DCLK1: variants seen among roughly 807,000 people sequenced by gnomAD.
The protein encoded by DCLK1 is doublecortin like kinase 1.
Under a neutral mutation model 86.2 loss-of-function variants are expected in DCLK1, and 16 were observed. The observed-to-expected ratio is 0.19, with a 90% confidence interval of 0.13 to 0.28. DCLK1 has a LOEUF of 0.28. DCLK1 is among the 10% of genes least tolerant of loss of function. The pLI, the probability that DCLK1 is intolerant of heterozygous loss-of-function variation, is 1.00. For missense variants in DCLK1, 590 were observed against 940.2 expected, an observed-to-expected ratio of 0.63 and a Z score of 4.87; for synonymous variants, 369 against 370.5, an observed-to-expected ratio of 1.00 and a Z score of 0.05.
chr13:36,004,347 T>C (rs1410393498), intron 3 of DCLK1, among the ~76,000 whole-genome samples: 3 of 152,262 alleles, frequency 2.0e-5, no homozygotes, highest in Non-Finnish European at 4.4e-5. Context: ...ATTAGCTCAA[T>C]GAAAGCAGGG....
chr13:35,914,589 G>A (rs942157710), intron 4 of DCLK1, among the ~76,000 whole-genome samples: 5 of 150,206 alleles, frequency 3.3e-5, no homozygotes, highest in African/African-American at 4.9e-5. Flanking sequence ...TGGTGGCACA[G>A]CCTATAGTCC....
At chr13:35,797,659 A>T (rs1243773344) in intron 15 of DCLK1, among the ~76,000 whole-genome samples, 1 of 152,078 alleles carries the variant, frequency 6.6e-6, no homozygotes, top group Non-Finnish European at 1.5e-5. Flanking sequence ...AAACACATAC[A>T]TGTAAACACA....
intron 3 of DCLK1, among the ~76,000 whole-genome samples, chr13:35,948,332 T>C (rs1877491973): frequency 3.3e-5 from 5 of 152,232 alleles, no homozygotes; most frequent in Admixed American, 3.3e-4. Context: ...AATCATAAGA[T>C]GGCCAGTTGC....
rs1880031272 is a variant in DCLK1 at position 35,988,090 on chromosome 13, T to A, written c.724-40633A>T. Among the ~76,000 whole-genome samples, 5 of 152,132 alleles carry A rather than the reference T, an allele frequency of 3.3e-5. No individual in the cohort carries two copies. In the South Asian group the frequency reaches 1.0e-3, roughly 32 times the overall value. On this transcript the variant is annotated intron_variant, in intron 3 of 16. Coordinates refer to ENST00000360631, the MANE Select transcript of DCLK1 (RefSeq NM_001330071.2). Reference sequence around the variant, plus strand: ...CTTATTTCCCTCTTTCCCCAGCACCTCCCAGTCCTGATGGGGCTGGAAGAC... The same window carrying A: ...CTTATTTCCCTCTTTCCCCAGCACCACCCAGTCCTGATGGGGCTGGAAGAC...
chr13:36,124,102 G>A (rs1469707858), intron 2 of DCLK1, among the ~76,000 whole-genome samples: 1 of 152,214 alleles, frequency 6.6e-6, no homozygotes, highest in East Asian at 1.9e-4. Flanking sequence ...GATGTGCTTT[G>A]AGATCTTGCC....
chr13:35,780,877 G>A lies in DCLK1; in HGVS notation c.2059-6178C>T, dbSNP rs187290797. ...CATCCCCATCGTGTTGGTGCCTGCCGTAACACCAGGCATACATAAATAAAA... is the reference window on the plus strand; with the variant it reads ...CATCCCCATCGTGTTGGTGCCTGCCATAACACCAGGCATACATAAATAAAA... On this transcript the variant is annotated intron_variant, in intron 16 of 16. Transcript: ENST00000360631. Among the ~76,000 whole-genome samples, 267 of 152,292 alleles carry A rather than the reference G, an allele frequency of 1.8e-3. 1 individual carries two copies. The highest frequency in any genetic ancestry group is 6.0e-3 in the African/African-American group (250 of 41,570).
intron 6 of DCLK1, among the ~76,000 whole-genome samples, chr13:35,842,249 AAAAAAAG>A (rs1869861162): frequency 6.6e-6 from 1 of 150,968 alleles, no homozygotes; most frequent in African/African-American, 2.4e-5. Flanking sequence ...AAAAAAAAAA[AAAAAAAG>A]AAGTTCTTCT....
Position 35,826,638 on chromosome 13 carries a change from C to A in DCLK1, c.1407+997G>T, listed in dbSNP as rs571120118. On this transcript the variant is annotated intron_variant, in intron 10 of 16. Coordinates refer to ENST00000360631, the MANE Select transcript of DCLK1 (RefSeq NM_001330071.2). ...ATAACCACTAAGTTAAAAAAAATGCCAATATGTCTAAGGTGAAGCAATTCT... is the reference window on the plus strand; with the variant it reads ...ATAACCACTAAGTTAAAAAAAATGCAAATATGTCTAAGGTGAAGCAATTCT... Among the ~76,000 whole-genome samples, 8 of 151,198 alleles carry A rather than the reference C, an allele frequency of 5.3e-5. No homozygotes were observed. The South Asian group carries it at 1.3e-3, about 24-fold the overall frequency.
intron 4 of DCLK1, among the ~76,000 whole-genome samples, chr13:35,930,681 T>G (rs1274382293): frequency 1.3e-5 from 2 of 152,180 alleles, no homozygotes; most frequent in Non-Finnish European, 2.9e-5. Context: ...CCCATTAGAC[T>G]GAGATGATTC....
chr13:35,968,549 C>T (rs1297604347), intron 3 of DCLK1, among the ~76,000 whole-genome samples: 2 of 152,192 alleles, frequency 1.3e-5, no homozygotes, highest in Admixed American at 6.5e-5. Flanking sequence ...GTCAAATTAG[C>T]ACTAACAGCT....
intron 8 of DCLK1, among the ~76,000 whole-genome samples, chr13:35,834,275 C>A (rs1018021833): frequency 1.3e-5 from 2 of 152,184 alleles, no homozygotes; most frequent in African/African-American, 2.4e-5. Context: ...ACGCTTCTAT[C>A]CATTACCATA....
intron 4 of DCLK1, among the ~76,000 whole-genome samples, chr13:35,914,440 G>A (rs1393362023): frequency 6.7e-6 from 1 of 148,262 alleles, no homozygotes; most frequent in African/African-American, 2.5e-5. Context: ...ACCAAGGCCA[G>A]ACACAGTGGC....
At chr13:35,817,512 C>T (rs1593621924) in intron 11 of DCLK1, among the ~76,000 whole-genome samples, 1 of 152,132 alleles carries the variant, frequency 6.6e-6, no homozygotes, top group East Asian at 1.9e-4. Flanking sequence ...TAAAGTTAAC[C>T]CTAAATCTCT....
intron 3 of DCLK1, among the ~76,000 whole-genome samples, chr13:36,061,681 G>A (rs1159905757): frequency 6.6e-6 from 1 of 152,166 alleles, no homozygotes; most frequent in African/African-American, 2.4e-5. Context: ...CAACAGATAG[G>A]AGTGAAATGA....
chr13:35,868,641 TC>T (rs1449753052), intron 5 of DCLK1, among the ~76,000 whole-genome samples: 2 of 152,222 alleles, frequency 1.3e-5, no homozygotes, highest in Admixed American at 1.3e-4. Context: ...TGATACGGTT[TC>T]ATTAATATAG....
At chr13:35,776,918 A>T (rs977355481) in intron 16 of DCLK1, among the ~76,000 whole-genome samples, 2 of 152,214 alleles carry the variant, frequency 1.3e-5, no homozygotes, top group African/African-American at 4.8e-5. Context: ...GTTTATGCAG[A>T]AGCTGGTGGC....
At chr13:35,965,315 T>C (rs1878674813) in intron 3 of DCLK1, among the ~76,000 whole-genome samples, 1 of 152,210 alleles carries the variant, frequency 6.6e-6, no homozygotes, top group African/African-American at 2.4e-5. Flanking sequence ...GGGCATGCGT[T>C]GGCCATTTGT....
chr13:35,856,114 T>C (rs2153111035), intron 5 of DCLK1, among the ~76,000 whole-genome samples: 1 of 152,340 alleles, frequency 6.6e-6, no homozygotes, highest in East Asian at 1.9e-4. Context: ...TAATTTGTAG[T>C]TTTGCTTTTG....
intron 1 of DCLK1, among the ~76,000 whole-genome samples, chr13:36,126,396 C>T (rs550411644): frequency 1.1e-4 from 17 of 152,080 alleles, no homozygotes; most frequent in East Asian, 1.9e-4. Flanking sequence ...GCCTGCACCA[C>T]GCCTGGTTAA....
Sources: allele counts gnomAD v4.1 joint callset (sites outside exome capture counted in the v4.1 genomes callset), GRCh38; gene constraint gnomAD v4.1.1; transcripts MANE v1.5; gene names NCBI Gene and HGNC (gene_info 2026-07-23, HGNC 2026-07-21).